Variants in LMTK2 observed in about 807,000 individuals in gnomAD.
LMTK2 encodes the protein serine/threonine-protein kinase LMTK2.
A neutral mutation model predicts 127.5 loss-of-function variants in LMTK2; 37 were observed. That is an observed-to-expected ratio of 0.29 (90% CI 0.22 to 0.38). LMTK2 has a LOEUF of 0.38. Among genes scored for constraint, LMTK2 ranks in the 10% least tolerant of loss-of-function variants. The pLI is 1.00. For missense variants in LMTK2, 1,694 were observed against 1,920.3 expected (o/e 0.88, Z 2.20); for synonymous variants, 819 against 810.1 (o/e 1.01, Z -0.19).
intron 7 of LMTK2, among the ~76,000 whole-genome samples, chr7:98,176,598 A>G (rs1797281278): frequency 6.6e-6 from 1 of 152,236 alleles, no homozygotes. Flanking sequence ...TAATCTCAGC[A>G]CTTTGGGAGG....
intron 6 of LMTK2, among the ~76,000 whole-genome samples, chr7:98,170,947 A>G (rs1317746067): frequency 6.6e-6 from 1 of 152,030 alleles, no homozygotes; most frequent in East Asian, 1.9e-4. Context: ...TAACGTGGTG[A>G]GTTTTTCTGG....
chr7:98,154,627 G>A (rs1796901092), intron 4 of LMTK2, 131 bp from the exon 5 acceptor site: 1 of 630,538 alleles, frequency 1.6e-6, no homozygotes, highest in African/African-American at 1.8e-5. Flanking sequence ...TGGTGAGGTG[G>A]TAAGTAAAAG....
intron 7 of LMTK2, among the ~76,000 whole-genome samples, chr7:98,179,946 C>T (rs73151153): frequency 0.078 from 11,946 of 152,274 alleles, 636 homozygotes; most frequent in Middle Eastern, 0.13. Context: ...AACATATTAC[C>T]GAACACTACC....
intron 6 of LMTK2, among the ~76,000 whole-genome samples, chr7:98,161,361 G>A (rs186920416): frequency 1.9e-4 from 29 of 152,256 alleles, no homozygotes; most frequent in Admixed American, 3.9e-4. Context: ...CTCTCTCCAT[G>A]TAAGGAAAAC....
chr7:98,191,723 G>A lies in LMTK2; in HGVS notation c.1258G>A (p.Val420Ile), dbSNP rs1797527414. ...GCTGCAGAGCCAGCGGGACTCAGAG[G>A]TCGACTTTGAACAGCAGTGGAACGC... is the stretch of plus-strand genomic sequence containing the variant. ...LRLQSQRDSE[V>I]DFEQQWNALK... The change falls in exon 11 of 14, where the codon GTC becomes ATC. Residue 420 changes from valine to isoleucine, a missense_variant. Val to Ile is a conservative substitution (Grantham distance 29, BLOSUM62 3). Coordinates refer to ENST00000297293, the MANE Select transcript of LMTK2 (RefSeq NM_014916.4). 8.1e-6 allele frequency: 13 copies of A among 1,614,208 alleles called. No homozygotes were observed. Among genetic ancestry groups the A allele is most frequent in the Middle Eastern group, 3.3e-4 (2 of 6,062 alleles).
chr7:98,153,199 C>T (rs894697956), intron 4 of LMTK2, among the ~76,000 whole-genome samples: 1 of 152,042 alleles, frequency 6.6e-6, no homozygotes, highest in Admixed American at 6.6e-5. Flanking sequence ...CATGTAAATC[C>T]GAGTGATCTC....
intron 7 of LMTK2, among the ~76,000 whole-genome samples, chr7:98,178,222 T>C (rs987492385): frequency 6.6e-6 from 1 of 152,208 alleles, no homozygotes; most frequent in Non-Finnish European, 1.5e-5. Context: ...ACTCTTCTTA[T>C]CAGGAATCCA....
At chr7:98,161,233 G>A (rs1380394832) in intron 6 of LMTK2, among the ~76,000 whole-genome samples, 1 of 151,738 alleles carries the variant, frequency 6.6e-6, no homozygotes, top group Admixed American at 6.6e-5. Context: ...TGAGATATTT[G>A]TTTCTTAATT....
At position 98,122,704 on chromosome 7, in the gene LMTK2, GTGTGTGTGTGTGTGTGTGTGTGTATATA is replaced by G. The variant is rs1210256731; in HGVS notation, c.104-14609_104-14582del. On this transcript the variant is annotated intron_variant, in intron 1 of 13. Transcript: ENST00000297293. ...TGTGTGTGTGTGTGTGTGTGTGTGT[GTGTGTGTGTGTGTGTGTGTGTGTATATA>G]TATAACTGGATCTCACTCTGTCCCC... 5.2e-3 allele frequency among the ~76,000 whole-genome samples: 15 copies of G among 2,860 alleles called. No homozygotes were observed. The Non-Finnish European group carries it at 0.06, about 11-fold the overall frequency. The allele number at this position is 2,860 out of a possible 152,430, so 1.9% of individuals were successfully genotyped here. A position where few individuals can be genotyped will look rare whatever the true frequency, so the allele number is the denominator to read the frequency against.
At chr7:98,195,042 T>G (rs1409569972) in intron 11 of LMTK2, among the ~76,000 whole-genome samples, 2 of 151,918 alleles carry the variant, frequency 1.3e-5, no homozygotes, top group Non-Finnish European at 2.9e-5. Flanking sequence ...GTTTTTTTTG[T>G]TTTGTTTTGT....
chr7:98,143,226 T>C (rs1157131118), intron 3 of LMTK2, among the ~76,000 whole-genome samples: 1 of 152,246 alleles, frequency 6.6e-6, no homozygotes, highest in Non-Finnish European at 1.5e-5. Context: ...AGAAATTATT[T>C]TAAATTTCTC....
chr7:98,192,209 A>T lies in LMTK2; in HGVS notation c.1744A>T (p.Thr582Ser), dbSNP rs759441688. 153 of 1,524,086 alleles carry T rather than the reference A, an allele frequency of 1.0e-4. No homozygotes were observed. Among genetic ancestry groups the T allele is most frequent in the Admixed American group, 2.9e-4 (13 of 44,452 alleles). The allele number at this position is 1,524,086 out of a possible 1,614,324, so 94.4% of individuals were successfully genotyped here. ...AACCGACATGGATAATCCAGAAAGG[A>T]CTGGCCCTGAACTGTCCCAGCTCAC... The part of the protein sequence containing the change: ...LTTDMDNPER[T>S]GPELSQLTAL... Residue 582 changes from threonine to serine, a missense_variant, in exon 11 of 14, where the codon ACT (threonine) becomes TCT (serine). Physicochemically the swap from Thr to Ser is moderately conservative, Grantham distance 58. Transcript: ENST00000297293.
chr7:98,143,038 G>T (rs556973383), intron 3 of LMTK2, among the ~76,000 whole-genome samples: 2 of 152,220 alleles, frequency 1.3e-5, no homozygotes, highest in Non-Finnish European at 2.9e-5. Flanking sequence ...CACTGGTCAG[G>T]AAGGTGGGGA....
At chr7:98,183,070 A>G (rs569047839) in intron 7 of LMTK2, among the ~76,000 whole-genome samples, 2 of 152,368 alleles carry the variant, frequency 1.3e-5, no homozygotes, top group East Asian at 1.9e-4. Flanking sequence ...ATCACATGAC[A>G]GATAGCAGGC....
chr7:98,176,164 C>T (rs1412676481), intron 7 of LMTK2, among the ~76,000 whole-genome samples: 4 of 152,080 alleles, frequency 2.6e-5, no homozygotes, highest in African/African-American at 9.7e-5. Flanking sequence ...ATTCCATTGA[C>T]AGAATAAAAG....
chr7:98,197,197 G>A (rs879613160), intron 11 of LMTK2, among the ~76,000 whole-genome samples: 2 of 152,254 alleles, frequency 1.3e-5, no homozygotes, highest in Admixed American at 6.5e-5. Context: ...GTGGGTGCCA[G>A]CACCTTTATT....
At chr7:98,133,155 C>T (rs1480144845) in intron 1 of LMTK2, among the ~76,000 whole-genome samples, 2 of 152,140 alleles carry the variant, frequency 1.3e-5, no homozygotes, top group African/African-American at 4.8e-5. Context: ...ATACGTATTC[C>T]GCCAGACCTC....
At chr7:98,153,215 A>T (rs1439380633) in intron 4 of LMTK2, among the ~76,000 whole-genome samples, 1 of 152,126 alleles carries the variant, frequency 6.6e-6, no homozygotes, top group Non-Finnish European at 1.5e-5. Flanking sequence ...ATCTCGTTTT[A>T]TAGAGTGTAT....
intron 7 of LMTK2, among the ~76,000 whole-genome samples, chr7:98,175,523 G>C (rs187484541): frequency 4.6e-5 from 7 of 152,352 alleles, no homozygotes. Flanking sequence ...GTGTGTGCAC[G>C]TGCGTGCATG....
Sources: allele counts gnomAD v4.1 joint callset (sites outside exome capture counted in the v4.1 genomes callset), GRCh38; gene constraint gnomAD v4.1.1; transcripts MANE v1.5; gene names NCBI Gene and HGNC (gene_info 2026-07-23, HGNC 2026-07-21).